The following KCNK10 variants were observed in gnomAD, a reference collection of about 807,000 sequenced individuals.
KCNK10 encodes potassium channel subfamily K member 10.
KCNK10 carries 25 observed loss-of-function variants against 47.7 expected under a neutral mutation model. The observed-to-expected ratio is 0.52, with a 90% CI of 0.38 to 0.73. The LOEUF (loss-of-function observed/expected upper bound fraction) is 0.73, where lower values mean the gene tolerates loss of function less well. KCNK10 is among the 30% of genes least tolerant of loss of function. The pLI is 0.00. For synonymous variants in KCNK10, 303 were observed against 285.6 expected (o/e 1.06, Z -0.61); for missense variants, 563 against 714.5 (o/e 0.79, Z 2.42).
rs186795472 is a variant in KCNK10 at position 88,310,063 on chromosome 14, C to A, written c.52+12684G>T. On this transcript the variant is annotated intron_variant, in intron 1 of 6. Transcript: ENST00000319231. Reference sequence around the variant, plus strand: ...GGAACTATTAATTTGGCTGTACCCACGGGTAATTGGAAATTAGTTTGTTAC... The same window carrying A: ...GGAACTATTAATTTGGCTGTACCCAAGGGTAATTGGAAATTAGTTTGTTAC... Among the ~76,000 whole-genome samples, 442 of 144,776 alleles carry A rather than the reference C, an allele frequency of 3.1e-3. 2 individuals are homozygous for A. The highest frequency in any genetic ancestry group is 4.5e-3 in the Non-Finnish European group (289 of 64,754). 95.0% of individuals were successfully genotyped at this position (144,776 alleles called of 152,430 possible).
At chr14:88,197,895 A>AGAGAGAG (rs1884974261) in intron 4 of KCNK10, among the ~76,000 whole-genome samples, 4 of 133,960 alleles carry the variant, frequency 3.0e-5, no homozygotes, top group African/African-American at 1.2e-4. Context: ...AGAGAGAGAG[A>AGAGAGAG]AGGGGAAAAA....
At chr14:88,208,656 T>C (rs1378630711) in intron 4 of KCNK10, among the ~76,000 whole-genome samples, 1 of 152,242 alleles carries the variant, frequency 6.6e-6, no homozygotes, top group Non-Finnish European at 1.5e-5. Context: ...AACTCTGTTA[T>C]AGTACACAGC....
chr14:88,237,161 A>G (rs1402085537), intron 3 of KCNK10, among the ~76,000 whole-genome samples: 1 of 152,206 alleles, frequency 6.6e-6, no homozygotes, highest in Non-Finnish European at 1.5e-5. Flanking sequence ...CAGCATCTTT[A>G]CCAGGCAGGA....
intron 4 of KCNK10, among the ~76,000 whole-genome samples, chr14:88,224,064 C>T (rs1885909183): frequency 6.6e-6 from 1 of 151,646 alleles, no homozygotes; most frequent in Non-Finnish European, 1.5e-5. Context: ...ATTTTAGTTT[C>T]ATTTGGGTTT....
intron 1 of KCNK10, 109 bp from the exon 2 acceptor site, chr14:88,263,660 T>A (rs1887179280): frequency 9.9e-7 from 1 of 1,011,066 alleles, no homozygotes; most frequent in Admixed American, 2.7e-5. Flanking sequence ...CTTTCAAATG[T>A]GAGGATGAAA....
At chr14:88,308,558 G>A (rs1888247356) in intron 1 of KCNK10, among the ~76,000 whole-genome samples, 1 of 152,264 alleles carries the variant, frequency 6.6e-6, no homozygotes, top group African/African-American at 2.4e-5. Flanking sequence ...TAGAGTGTAT[G>A]TGTGTGCACG....
intron 1 of KCNK10, among the ~76,000 whole-genome samples, chr14:88,287,674 GGTGTGTGTGTGTGTGTGTGTGTGTGT>G (rs199702993): frequency 5.1e-4 from 72 of 141,636 alleles, no homozygotes; most frequent in South Asian, 2.5e-3. Context: ...AGTATTCCAT[GGTGTGTGTGTGTGTGTGTGTGTGTGT>G]GTGTGTGTGT....
intron 4 of KCNK10, among the ~76,000 whole-genome samples, chr14:88,217,662 C>G (rs984719943): frequency 6.6e-6 from 1 of 152,070 alleles, no homozygotes; most frequent in African/African-American, 2.4e-5. Context: ...TCAAGCAATC[C>G]TCATTCCTCA....
intron 4 of KCNK10, among the ~76,000 whole-genome samples, chr14:88,223,154 AC>A (rs1885872749): frequency 6.6e-6 from 1 of 152,106 alleles, no homozygotes; most frequent in African/African-American, 2.4e-5. Flanking sequence ...AAAACCCATC[AC>A]CTCGTTATGC....
At chr14:88,253,514 T>C (rs1033489673) in intron 2 of KCNK10, among the ~76,000 whole-genome samples, 5 of 152,300 alleles carry the variant, frequency 3.3e-5, no homozygotes, top group Admixed American at 6.5e-5. Flanking sequence ...CATTTTTAAT[T>C]TTTTAATGAA....
intron 1 of KCNK10, among the ~76,000 whole-genome samples, chr14:88,308,186 C>T (rs1408158998): frequency 6.6e-6 from 1 of 152,124 alleles, no homozygotes; most frequent in East Asian, 1.9e-4. Flanking sequence ...CTAGGACGAG[C>T]TTAAAACAGT....
intron 1 of KCNK10, among the ~76,000 whole-genome samples, chr14:88,273,156 A>G (rs1224192367): frequency 6.6e-6 from 1 of 152,144 alleles, no homozygotes; most frequent in Non-Finnish European, 1.5e-5. Flanking sequence ...AAATGAGAAG[A>G]GAGTAAAAGA....
At chr14:88,269,796 C>T (rs1479988227) in intron 1 of KCNK10, among the ~76,000 whole-genome samples, 1 of 152,066 alleles carries the variant, frequency 6.6e-6, no homozygotes, top group Non-Finnish European at 1.5e-5. Flanking sequence ...ATTATCTGCC[C>T]CCATTGATAG....
intron 1 of KCNK10, among the ~76,000 whole-genome samples, chr14:88,296,918 CATT>C (rs1200273399): frequency 6.6e-6 from 1 of 152,214 alleles, no homozygotes; most frequent in Non-Finnish European, 1.5e-5. Flanking sequence ...CAAAACACAT[CATT>C]ATCTTATGTG....
chr14:88,317,123 A>T (rs1231296953), intron 1 of KCNK10, among the ~76,000 whole-genome samples: 2 of 152,208 alleles, frequency 1.3e-5, no homozygotes, highest in African/African-American at 4.8e-5. Flanking sequence ...AGTCTTTGGA[A>T]CACTGTTCCT....
chr14:88,208,498 G>A (rs1048664517), intron 4 of KCNK10, among the ~76,000 whole-genome samples: 1 of 152,204 alleles, frequency 6.6e-6, no homozygotes, highest in African/African-American at 2.4e-5. Flanking sequence ...CTGAAGAGCA[G>A]CAGAGTCAAG....
rs983738838 is a variant in KCNK10 at position 88,292,874 on chromosome 14, C to T, written c.53-29323G>A. Among the ~76,000 whole-genome samples, 19 of 152,266 alleles carry T rather than the reference C, an allele frequency of 1.2e-4. No individual in the cohort carries two copies. In the East Asian group the frequency reaches 2.3e-3, roughly 19 times the overall value. ...CCTGGGCTCAAGCGATGGCCTGCCT[C>T]GGCCTCCCATAAGTGCTGGGATTAC... On this transcript the variant is annotated intron_variant, in intron 1 of 6. Coordinates refer to ENST00000319231, the MANE Select transcript of KCNK10 (RefSeq NM_138317.3).
intron 1 of KCNK10, among the ~76,000 whole-genome samples, chr14:88,317,748 T>A (rs1888459111): frequency 6.6e-6 from 1 of 152,228 alleles, no homozygotes; most frequent in African/African-American, 2.4e-5. Context: ...ATAGGGTTTT[T>A]TAAAGTACAA....
At chr14:88,225,435 A>G (rs1885952538) in intron 4 of KCNK10, among the ~76,000 whole-genome samples, 1 of 152,218 alleles carries the variant, frequency 6.6e-6, no homozygotes, top group Admixed American at 6.5e-5. Flanking sequence ...GCTCTGTATC[A>G]GAATCTGTTG....
Sources: allele counts gnomAD v4.1 joint callset (sites outside exome capture counted in the v4.1 genomes callset), GRCh38; gene constraint gnomAD v4.1.1; transcripts MANE v1.5; gene names NCBI Gene and HGNC (gene_info 2026-07-23, HGNC 2026-07-21).